ZBP1: variants seen among roughly 807,000 people sequenced by gnomAD.
ZBP1 encodes Z-DNA-binding protein 1.
Under a neutral mutation model 41.1 loss-of-function variants are expected in ZBP1, and 42 were observed. The ratio of observed to expected loss-of-function variants is 1.02; its 90% confidence interval spans 0.80 to 1.32. The LOEUF is 1.32. ZBP1 is among the 40% of genes most tolerant of loss of function. The pLI, the probability that ZBP1 is intolerant of heterozygous loss-of-function variation, is 0.00. For synonymous variants in ZBP1, 214 were observed against 205.2 expected (o/e 1.04, Z -0.37); for missense variants, 562 against 549.7 (o/e 1.02, Z -0.22).
intron 1 of ZBP1, chr20:57,616,697 G>C: frequency 1.8e-6 from 1 of 554,024 alleles, no homozygotes; most frequent in Non-Finnish European, 3.2e-6. Flanking sequence ...GCGCAGCCTG[G>C]TGGCCAGGGG....
Position 57,613,147 on chromosome 20 carries a change from C to G in ZBP1, c.670+16G>C. On this transcript the variant is annotated intron_variant, in intron 5 of 7. Transcript: ENST00000371173. This position sits in a 1 kb window ranked among gnomAD's most constrained non-coding sequence, Gnocchi z 4.5. ...CCCACCGAGGTCCCCTCCCTGGGCT[C>G]TCTTGGGTGACTTACCGTCCTCCCT... is the stretch of plus-strand genomic sequence containing the variant. 2 of 1,614,154 alleles carry G rather than the reference C, an allele frequency of 1.2e-6. No homozygotes were observed.
chr20:57,604,481 C>G lies in ZBP1; in HGVS notation c.*92G>C. ...TATGTCTGGAAGCAAGCAGGTCAAA[C>G]AAGACGCTAAGGAATGCAGAGAGCA... On this transcript the variant is annotated 3_prime_UTR_variant, in exon 8 of 8. Transcript: ENST00000371173. 1 of 1,506,222 alleles carries G rather than the reference C, an allele frequency of 6.6e-7. No individual in the cohort carries two copies. Among genetic ancestry groups the G allele is most frequent in the Non-Finnish European group, 9.2e-7 (1 of 1,085,136 alleles). 93.3% of individuals were successfully genotyped at this position (1,506,222 alleles called of 1,614,324 possible).
At chr20:57,614,426 T>C (rs991987046) in intron 4 of ZBP1, among the ~76,000 whole-genome samples, 7 of 152,128 alleles carry the variant, frequency 4.6e-5, no homozygotes, top group African/African-American at 1.7e-4. Flanking sequence ...GAGAATGCCA[T>C]GCACCTATTG....
chr20:57,605,568 C>T (rs1255112822), intron 7 of ZBP1, among the ~76,000 whole-genome samples: 5 of 152,160 alleles, frequency 3.3e-5, no homozygotes, highest in African/African-American at 9.7e-5. Context: ...CAGCCATCTC[C>T]TCCTCTCTCT....
chr20:57,604,720 AAT>A lies in ZBP1; in HGVS notation c.1141_1142del (p.Ile381TrpfsTer36). On this transcript the variant is annotated frameshift_variant, in exon 8 of 8. Coordinates refer to ENST00000371173, the MANE Select transcript of ZBP1 (RefSeq NM_030776.3). LOFTEE classifies it low-confidence loss of function (END_TRUNC). ...TQSRSHFPRDIGQPITPSHSK... is the reference protein window; with the variant it reads ...TQSRSHFPRDXGQPITPSHSK... ...AGTGGCTGGGAGTGATGGGCTGACC[AAT>A]GTCTCGAGGAAAGTGACTTCTGGAT... The A allele has an allele frequency of 6.2e-7, 1 of 1,614,084 alleles. No individual in the cohort carries two copies. Among genetic ancestry groups the A allele is most frequent in the Admixed American group, 1.7e-5 (1 of 60,020 alleles).
At chr20:57,617,510 T>C (rs1302625328) in intron 1 of ZBP1, 1 of 152,292 alleles carries the variant, frequency 6.6e-6, no homozygotes, top group East Asian at 1.9e-4. Context: ...GGGCACACAG[T>C]AGGTGCTCAG....
intron 4 of ZBP1, among the ~76,000 whole-genome samples, 153 bp downstream of exon 4, chr20:57,614,734 T>G (rs935682835): frequency 2.0e-5 from 3 of 152,146 alleles, no homozygotes; most frequent in Non-Finnish European, 4.4e-5. Context: ...GCACACCCCT[T>G]CCTCCTGGAA....
chr20:57,616,140 C>A, intron 2 of ZBP1, 104 bp downstream of exon 2: 1 of 1,055,014 alleles, frequency 9.5e-7, no homozygotes. Context: ...CTGTGAGCTC[C>A]CATGTGGCAG....
chr20:57,610,780 A>G lies in ZBP1; in HGVS notation c.875-413T>C. 1 of 265,248 alleles carries G rather than the reference A, an allele frequency of 3.8e-6. No homozygotes were observed. The highest frequency in any genetic ancestry group is 7.4e-6 in the Non-Finnish European group (1 of 135,650). The allele number at this position is 265,248 out of a possible 1,614,324, so 16.4% of individuals were successfully genotyped here. ...CATCTGGCTCTGCCCTTTCCCACCC[A>G]AACTTCTGAAGAATCATCCACACTG... On this transcript the variant is annotated intron_variant, in intron 6 of 7. Transcript: ENST00000371173. This position sits in a 1 kb window ranked among gnomAD's most constrained non-coding sequence, Gnocchi z 5.5.
At chr20:57,618,202 G>A (rs1831323) in intron 1 of ZBP1, 89,828 of 152,262 alleles carry the variant, frequency 0.59, 28,983 homozygotes, top group South Asian at 0.84. Context: ...CACTGTGGGC[G>A]GGGGCCCCAC....
intron 1 of ZBP1, among the ~76,000 whole-genome samples, chr20:57,619,568 G>T (rs1178839971): frequency 6.6e-6 from 1 of 152,164 alleles, no homozygotes; most frequent in Non-Finnish European, 1.5e-5. Flanking sequence ...GCAACAAGGG[G>T]GAACAAAGGC....
chr20:57,618,518 G>A (rs572915896), intron 1 of ZBP1, among the ~76,000 whole-genome samples: 12 of 152,238 alleles, frequency 7.9e-5, no homozygotes, highest in East Asian at 1.9e-4. Flanking sequence ...CTCCCCCACC[G>A]GCAGCCAGCA....
At chr20:57,611,319 A>G (rs1248309762) in intron 6 of ZBP1, among the ~76,000 whole-genome samples, 2 of 151,066 alleles carry the variant, frequency 1.3e-5, no homozygotes, top group Non-Finnish European at 2.9e-5. Context: ...ATCTCCGTTT[A>G]CTGCAACCTC....
chr20:57,609,458 T>A (rs1417346396), intron 7 of ZBP1, among the ~76,000 whole-genome samples: 1 of 152,086 alleles, frequency 6.6e-6, no homozygotes, highest in Non-Finnish European at 1.5e-5. Context: ...CGTGGCTAAG[T>A]GCAGGCCCTC....
rs1490470811 is a variant in ZBP1, at chr20:57,613,410, T to A, written c.503-80A>T. 1.4e-6 allele frequency: 2 copies of A among 1,472,944 alleles called. No homozygotes were observed. The highest frequency in any genetic ancestry group is 9.3e-7 in the Non-Finnish European group (1 of 1,078,768). 91.2% of individuals were successfully genotyped at this position (1,472,944 alleles called of 1,614,324 possible). ...CCCAATACCAGTCGGCAGCACCAAATTCTCCTGGGGAGCTTGTTAAAATAC... is the reference window on the plus strand; with the variant it reads ...CCCAATACCAGTCGGCAGCACCAAAATCTCCTGGGGAGCTTGTTAAAATAC... On this transcript the variant is annotated intron_variant, in intron 4 of 7. Transcript: ENST00000371173. This position sits in a 1 kb window ranked among gnomAD's most constrained non-coding sequence, Gnocchi z 4.5.
Position 57,610,772 on chromosome 20 carries a change from T to G in ZBP1, c.875-405A>C. The stretch of plus-strand genomic sequence containing the variant: ...GCTCCTGCCATCTGGCTCTGCCCTT[T>G]CCCACCCAAACTTCTGAAGAATCAT... On this transcript the variant is annotated intron_variant, in intron 6 of 7. Transcript: ENST00000371173. The surrounding 1 kb of genome is among the most constrained non-coding windows in gnomAD (Gnocchi z 5.5). The G allele has an allele frequency of 3.6e-6, 1 of 279,496 alleles. No individual in the cohort carries two copies. The highest frequency in any genetic ancestry group is 7.0e-6 in the Non-Finnish European group (1 of 143,640). 17.3% of individuals were successfully genotyped at this position (279,496 alleles called of 1,614,324 possible). A position where few individuals can be genotyped will look rare whatever the true frequency, so the allele number is the denominator to read the frequency against.
rs1475888533 is a variant in ZBP1, at chr20:57,613,973, A to G, written c.503-643T>C. ...GTGCCTTTGTGGGCCCTTCCCCCATACACAAATATTTAAATTACATTGTAT... is the reference window on the plus strand; with the variant it reads ...GTGCCTTTGTGGGCCCTTCCCCCATGCACAAATATTTAAATTACATTGTAT... On this transcript the variant is annotated intron_variant, in intron 4 of 7. Coordinates refer to ENST00000371173, the MANE Select transcript of ZBP1 (RefSeq NM_030776.3). This position sits in a 1 kb window ranked among gnomAD's most constrained non-coding sequence, Gnocchi z 4.5. Among the ~76,000 whole-genome samples the G allele has an allele frequency of 6.6e-6, 1 of 152,152 alleles. No individual in the cohort carries two copies. Among genetic ancestry groups the G allele is most frequent in the Non-Finnish European group, 1.5e-5 (1 of 68,024 alleles).
At chr20:57,612,052 G>A in intron 5 of ZBP1, 122 bp from the exon 6 acceptor site, 1 of 1,095,938 alleles carries the variant, frequency 9.1e-7, no homozygotes, top group Non-Finnish European at 1.3e-6. Context: ...GGCGGCCAAA[G>A]ACTTCAGGCT....
rs1227460304 is a variant in ZBP1 at position 57,610,124 on chromosome 20, G to A, written c.1093+25C>T. The A allele has an allele frequency of 1.9e-6, 3 of 1,599,350 alleles. No homozygotes were observed. The highest frequency in any genetic ancestry group is 2.6e-6 in the Non-Finnish European group (3 of 1,168,206). On this transcript the variant is annotated intron_variant, in intron 7 of 7. Coordinates refer to ENST00000371173, the MANE Select transcript of ZBP1 (RefSeq NM_030776.3). The surrounding 1 kb of genome is among the most constrained non-coding windows in gnomAD (Gnocchi z 5.5). ...GTGGGGAGAGAGAGAGAACACACAG[G>A]GGTCCACTCTGCCCCCTAGCTCACC... is the stretch of plus-strand genomic sequence containing the variant.
Sources: gnomAD v4.1 joint callset for allele counts (sites outside exome capture counted in the v4.1 genomes callset) on GRCh38, gnomAD v4.1.1 for gene constraint, Gnocchi (gnomAD v3.1) non-coding constraint, MANE v1.5 for transcripts, NCBI Gene and HGNC (gene_info 2026-07-23, HGNC 2026-07-21) for gene names.